Variants in CALD1 observed in about 807,000 individuals in gnomAD.
CALD1 encodes caldesmon 1, also known as caldesmon.
CALD1 carries 33 observed loss-of-function variants against 99.9 expected under a neutral mutation model. That is an observed-to-expected ratio of 0.33 (90% CI 0.25 to 0.44). The LOEUF (loss-of-function observed/expected upper bound fraction) is 0.44, where lower values mean the gene tolerates loss of function less well. Ranked by LOEUF, CALD1 falls within the 20% of genes least tolerant of loss-of-function variation. CALD1 has a pLI of 1.00. For missense variants in CALD1, 861 were observed against 962.1 expected, an observed-to-expected ratio of 0.89 and a Z score of 1.39; for synonymous variants, 310 against 325.0, an observed-to-expected ratio of 0.95 and a Z score of 0.50.
At chr7:134,837,344 C>CT (rs57250900) in intron 1 of CALD1, among the ~76,000 whole-genome samples, 170 of 146,878 alleles carry the variant, frequency 1.2e-3, no homozygotes, top group South Asian at 2.1e-3. Context: ...TTTCGTTCTC[C>CT]TTTTTTTTTT....
chr7:134,858,412 T>C (rs1351436921), intron 2 of CALD1, among the ~76,000 whole-genome samples: 3 of 152,134 alleles, frequency 2.0e-5, no homozygotes, highest in Non-Finnish European at 4.4e-5. Context: ...AGCACAGCCA[T>C]GCTTTGAGAT....
chr7:134,797,683 C>T (rs1797797567), intron 1 of CALD1, among the ~76,000 whole-genome samples: 1 of 152,138 alleles, frequency 6.6e-6, no homozygotes, highest in Non-Finnish European at 1.5e-5. Context: ...ACCTCCGCCT[C>T]CTGGGTTCAA....
intron 1 of CALD1, among the ~76,000 whole-genome samples, chr7:134,840,009 T>C (rs973246406): frequency 2.6e-5 from 4 of 152,232 alleles, no homozygotes; most frequent in African/African-American, 9.6e-5. Context: ...GTCATCCATA[T>C]TGCTAATATT....
chr7:134,950,270 C>G, intron 8 of CALD1, 104 bp from the exon 9 acceptor site: 1 of 1,127,088 alleles, frequency 8.9e-7, no homozygotes, highest in Non-Finnish European at 1.3e-6. Context: ...CAGCCTGCGG[C>G]CTGAGTCTGC....
At chr7:134,760,940 CGTT>C (rs1285353236) in intron 1 of CALD1, among the ~76,000 whole-genome samples, 4 of 152,030 alleles carry the variant, frequency 2.6e-5, no homozygotes, top group Non-Finnish European at 5.9e-5. Flanking sequence ...AAACAGTAAA[CGTT>C]GTTGAGCACT....
upstream of CALD1, among the ~76,000 whole-genome samples, chr7:134,740,908 C>T (rs931357432): frequency 6.6e-6 from 1 of 152,210 alleles, no homozygotes; most frequent in African/African-American, 2.4e-5. Flanking sequence ...AGGCACTTCT[C>T]TAAATGCTTT....
upstream of CALD1, among the ~76,000 whole-genome samples, chr7:134,741,259 TC>T (rs138273687): frequency 0.017 from 2,533 of 152,242 alleles, 78 homozygotes; most frequent in African/African-American, 0.056. Flanking sequence ...AGCAAATACG[TC>T]CTTCTTCACA....
intron 14 of CALD1, among the ~76,000 whole-genome samples, chr7:134,967,529 TG>T (rs1286518881): frequency 6.6e-6 from 1 of 151,906 alleles, no homozygotes; most frequent in Non-Finnish European, 1.5e-5. Context: ...ATAAGTCTCG[TG>T]GGGTAGGGGT....
intron 14 of CALD1, among the ~76,000 whole-genome samples, chr7:134,967,156 C>T (rs1255790371): frequency 6.6e-6 from 1 of 152,138 alleles, no homozygotes; most frequent in African/African-American, 2.4e-5. Flanking sequence ...AATGGTCAGA[C>T]TCAGAGAACA....
intron 3 of CALD1, among the ~76,000 whole-genome samples, chr7:134,879,393 T>C (rs1801494158): frequency 6.6e-6 from 1 of 152,256 alleles, no homozygotes; most frequent in South Asian, 2.1e-4. Context: ...GAAAATCAGT[T>C]TTTAGCCTAT....
At chr7:134,936,069 A>AACACTG (rs1229906352) in intron 6 of CALD1, among the ~76,000 whole-genome samples, 1 of 152,194 alleles carries the variant, frequency 6.6e-6, no homozygotes, top group African/African-American at 2.4e-5. Context: ...AGGCTTGAAA[A>AACACTG]ACACTGCTGG....
At chr7:134,892,760 A>G (rs914543858) in intron 3 of CALD1, among the ~76,000 whole-genome samples, 2 of 152,218 alleles carry the variant, frequency 1.3e-5, no homozygotes, top group African/African-American at 4.8e-5. Context: ...GGGGAACGCT[A>G]TTGTATAAAG....
chr7:134,859,285 G>A (rs1032108946), intron 2 of CALD1, among the ~76,000 whole-genome samples: 4 of 152,152 alleles, frequency 2.6e-5, no homozygotes, highest in Non-Finnish European at 5.9e-5. Context: ...CATTTAGAAA[G>A]CATCTTTACA....
At chr7:134,958,885 A>ATATATATATATATATTTAAC (rs1554479085) in intron 11 of CALD1, among the ~76,000 whole-genome samples, 7 of 46,766 alleles carry the variant, frequency 1.5e-4, no homozygotes, top group Non-Finnish European at 3.4e-4. Context: ...ATATATATAT[A>ATATATATATATATATTTAAC]TATATATATA....
chr7:134,901,167 G>A lies in CALD1; in HGVS notation c.72-27587G>A, dbSNP rs1434936727. Among the ~76,000 whole-genome samples the A allele has an allele frequency of 2.2e-5, 3 of 139,412 alleles. No homozygotes were observed. In the East Asian group the frequency reaches 6.2e-4, roughly 29 times the overall value. 91.5% of individuals were successfully genotyped at this position (139,412 alleles called of 152,430 possible). A position where few individuals can be genotyped will look rare whatever the true frequency, so the allele number is the denominator to read the frequency against. ...CAAGAGGGAGGTAGGGAGAAGTAGG[G>A]TTTTTTTTTTTTTTGCCAGCAGATG... On this transcript the variant is annotated intron_variant, in intron 3 of 14. Transcript: ENST00000361675.
At chr7:134,958,557 C>G (rs1357847489) in intron 11 of CALD1, among the ~76,000 whole-genome samples, 3 of 151,870 alleles carry the variant, frequency 2.0e-5, no homozygotes, top group Non-Finnish European at 4.4e-5. Flanking sequence ...AGGGGCCCAC[C>G]ACCACACTTG....
At chr7:134,888,694 T>C (rs1287107812) in intron 3 of CALD1, among the ~76,000 whole-genome samples, 1 of 152,156 alleles carries the variant, frequency 6.6e-6, no homozygotes, top group Non-Finnish European at 1.5e-5. Flanking sequence ...TCTTCACTCT[T>C]CCCATGTCAG....
At chr7:134,914,156 G>T (rs1804032771) in intron 3 of CALD1, among the ~76,000 whole-genome samples, 1 of 152,202 alleles carries the variant, frequency 6.6e-6, no homozygotes, top group Non-Finnish European at 1.5e-5. Flanking sequence ...GGCTCTGAAT[G>T]GAAGCAGAAT....
intron 2 of CALD1, among the ~76,000 whole-genome samples, chr7:134,850,940 C>T (rs779942721): frequency 6.6e-6 from 1 of 152,192 alleles, no homozygotes; most frequent in Non-Finnish European, 1.5e-5. Flanking sequence ...CACACATGCT[C>T]TCTCTAGCCT....
Sources: gnomAD v4.1 joint callset for allele counts (sites outside exome capture counted in the v4.1 genomes callset) on GRCh38, gnomAD v4.1.1 for gene constraint, MANE v1.5 for transcripts, NCBI Gene and HGNC (gene_info 2026-07-23, HGNC 2026-07-21) for gene names.